The following CDH4 variants were observed in gnomAD, a reference collection of about 807,000 sequenced individuals.
CDH4 encodes the protein cadherin-4.
In CDH4, 33 loss-of-function variants were observed where a neutral mutation model predicts 86.0. The observed-to-expected ratio is 0.38, with a 90% confidence interval of 0.29 to 0.51. The LOEUF (loss-of-function observed/expected upper bound fraction) is 0.51, where lower values mean the gene tolerates loss of function less well. CDH4 is among the 20% of genes least tolerant of loss of function. The probability of loss-of-function intolerance (pLI) is 0.86; values close to 1 mark genes in which losing one functional copy is unlikely to be tolerated. For missense variants in CDH4, 1,114 were observed against 1,307.4 expected (o/e 0.85, Z 2.28); for synonymous variants, 555 against 549.4 (o/e 1.01, Z -0.14).
At chr20:61,613,003 G>A (rs1198482392) in intron 2 of CDH4, among the ~76,000 whole-genome samples, 1 of 152,044 alleles carries the variant, frequency 6.6e-6, no homozygotes, top group South Asian at 2.1e-4. Flanking sequence ...ACACCTCCAG[G>A]AGGGCCGATA....
Position 61,708,727 on chromosome 20 carries a change from A to G in CDH4, c.170-34836A>G, listed in dbSNP as rs1368410355. Reference sequence around the variant, plus strand: ...GAGGCCCCATCCTCCCCAGCCTCACATGAGGCGGCGCTGCCTCTGCGGAGG... The same window carrying G: ...GAGGCCCCATCCTCCCCAGCCTCACGTGAGGCGGCGCTGCCTCTGCGGAGG... On this transcript the variant is annotated intron_variant, in intron 2 of 15. Transcript: ENST00000614565. The surrounding 1 kb of genome is among the most constrained non-coding windows in gnomAD (Gnocchi z 4.5). Among the ~76,000 whole-genome samples the G allele has an allele frequency of 3.3e-5, 5 of 152,066 alleles. No individual in the cohort carries two copies. Among genetic ancestry groups the G allele is most frequent in the Admixed American group, 6.5e-5 (1 of 15,278 alleles).
intron 4 of CDH4, among the ~76,000 whole-genome samples, chr20:61,791,224 G>A (rs924196136): frequency 1.3e-5 from 2 of 152,262 alleles, no homozygotes; most frequent in Non-Finnish European, 2.9e-5. Flanking sequence ...TCTTCCAGGT[G>A]TTTGGGGAAA....
chr20:61,872,867 G>A (rs1358307234), intron 6 of CDH4, among the ~76,000 whole-genome samples: 5 of 152,202 alleles, frequency 3.3e-5, no homozygotes, highest in East Asian at 3.9e-4. Flanking sequence ...AGTAGGCAGG[G>A]ACTAAAGCCC....
chr20:61,308,392 T>C (rs1211444220), intron 2 of CDH4, among the ~76,000 whole-genome samples: 2 of 152,202 alleles, frequency 1.3e-5, no homozygotes, highest in African/African-American at 4.8e-5. Context: ...TGGGATCCGA[T>C]GTCTTTTGTG....
At chr20:61,540,301 C>T (rs941859404) in intron 2 of CDH4, among the ~76,000 whole-genome samples, 1 of 152,144 alleles carries the variant, frequency 6.6e-6, no homozygotes, top group Non-Finnish European at 1.5e-5. Flanking sequence ...TGAAATCCAG[C>T]CAAAAATGTA....
At chr20:61,591,545 G>A (rs1462679209) in intron 2 of CDH4, among the ~76,000 whole-genome samples, 1 of 152,064 alleles carries the variant, frequency 6.6e-6, no homozygotes, top group Non-Finnish European at 1.5e-5. Context: ...AGATGGGAAG[G>A]GAGGGTCATT....
chr20:61,503,926 C>G (rs560646337), intron 2 of CDH4, among the ~76,000 whole-genome samples: 1 of 152,176 alleles, frequency 6.6e-6, no homozygotes, highest in Non-Finnish European at 1.5e-5. Flanking sequence ...TTGGCTCACC[C>G]AAACAGGGAG....
At chr20:61,379,128 CG>C (rs145797052) in intron 2 of CDH4, among the ~76,000 whole-genome samples, 3,292 of 152,180 alleles carry the variant, frequency 0.022, 102 homozygotes, top group African/African-American at 0.069. Context: ...AAACTGGGCA[CG>C]TGGCCTGCCT....
intron 2 of CDH4, among the ~76,000 whole-genome samples, chr20:61,453,923 C>T (rs1490458478): frequency 1.3e-5 from 2 of 152,182 alleles, no homozygotes; most frequent in African/African-American, 4.8e-5. Flanking sequence ...GCTTTTCCCT[C>T]TTTTGCTCTG....
chr20:61,433,174 C>T (rs368597819), intron 2 of CDH4, among the ~76,000 whole-genome samples: 3 of 152,110 alleles, frequency 2.0e-5, no homozygotes, highest in Non-Finnish European at 4.4e-5. Flanking sequence ...GTTTGATGTG[C>T]GTGAAGGGTC....
At chr20:61,620,920 C>T (rs1002205128) in intron 2 of CDH4, among the ~76,000 whole-genome samples, 16 of 152,228 alleles carry the variant, frequency 1.1e-4, no homozygotes, top group Non-Finnish European at 1.9e-4. Flanking sequence ...TGCTGAGAGG[C>T]GCTTCTTCCA....
chr20:61,410,659 C>G (rs1458229399), intron 2 of CDH4, among the ~76,000 whole-genome samples: 3 of 151,710 alleles, frequency 2.0e-5, no homozygotes, highest in African/African-American at 7.3e-5. Context: ...ATCCATCCAT[C>G]CTCTCACTTG....
In CDH4 at chr20:61,885,137, C is replaced by T. The variant is rs555129668; in HGVS notation, c.1051-9773C>T. ...AGCGGGGACTGAAGTCGACACATAG[C>T]ACGTTCGTGCCTGTGCCTTGAGAGG... On this transcript the variant is annotated intron_variant, in intron 7 of 15. Transcript: ENST00000614565. Among the ~76,000 whole-genome samples, 36 of 152,244 alleles carry T rather than the reference C, an allele frequency of 2.4e-4. No individual in the cohort carries two copies. The Middle Eastern group carries it at 0.014, about 58-fold the overall frequency.
intron 2 of CDH4, among the ~76,000 whole-genome samples, chr20:61,453,100 A>C (rs543927464): frequency 2.0e-5 from 3 of 152,236 alleles, no homozygotes; most frequent in Non-Finnish European, 2.9e-5. Context: ...ATGAGTTTAT[A>C]ATAAGCCATA....
At chr20:61,882,083 G>A (rs529121246) in intron 7 of CDH4, among the ~76,000 whole-genome samples, 1 of 152,292 alleles carries the variant, frequency 6.6e-6, no homozygotes, top group South Asian at 2.1e-4. Context: ...CCCTGCCCGC[G>A]CCTCCACCTC....
chr20:61,755,708 A>C (rs987842918), intron 3 of CDH4, among the ~76,000 whole-genome samples: 1 of 142,984 alleles, frequency 7.0e-6, no homozygotes, highest in African/African-American at 2.5e-5. Flanking sequence ...TTTATACCAC[A>C]TACATGAATC....
chr20:61,825,210 C>T (rs1442408745), intron 4 of CDH4, among the ~76,000 whole-genome samples: 1 of 152,064 alleles, frequency 6.6e-6, no homozygotes, highest in Non-Finnish European at 1.5e-5. Flanking sequence ...GAGTTCGAGA[C>T]CAGCTGGGCA....
chr20:61,669,985 G>C (rs1287471810), intron 2 of CDH4, among the ~76,000 whole-genome samples: 3 of 152,092 alleles, frequency 2.0e-5, no homozygotes, highest in African/African-American at 7.2e-5. Context: ...GATCGGCCAG[G>C]CTGCAGCATT....
intron 2 of CDH4, among the ~76,000 whole-genome samples, chr20:61,309,063 A>T (rs2084431887): frequency 6.6e-6 from 1 of 152,322 alleles, no homozygotes; most frequent in African/African-American, 2.4e-5. Context: ...GCCCCTTGTT[A>T]AAAAATTACT....
Sources: allele counts gnomAD v4.1 joint callset (sites outside exome capture counted in the v4.1 genomes callset), GRCh38; gene constraint gnomAD v4.1.1; non-coding constraint Gnocchi (gnomAD v3.1); transcripts MANE v1.5; gene names NCBI Gene and HGNC (gene_info 2026-07-23, HGNC 2026-07-21).